The following CACNA1A variants were observed in gnomAD, a reference collection of about 807,000 sequenced individuals.
CACNA1A encodes calcium voltage-gated channel subunit alpha1 A.
Under a neutral mutation model 262.4 loss-of-function variants are expected in CACNA1A, and 57 were observed. The ratio of observed to expected loss-of-function variants is 0.22; its 90% CI spans 0.18 to 0.27. The LOEUF is 0.27. Among genes scored for constraint, CACNA1A ranks in the 10% least tolerant of loss-of-function variants. The pLI is 1.00. For synonymous variants in CACNA1A, 1,431 were observed against 1,419.3 expected (o/e 1.01, Z -0.18); for missense variants, 2,526 against 3,562.8 (o/e 0.71, Z 7.41).
chr19:13,414,024 T>C (rs10418978), intron 3 of CACNA1A, among the ~76,000 whole-genome samples: 4 of 151,666 alleles, frequency 2.6e-5, no homozygotes, highest in Non-Finnish European at 4.4e-5. Context: ...TAAAAGCAGA[T>C]AGAAGCCTGG....
intron 3 of CACNA1A, among the ~76,000 whole-genome samples, chr19:13,450,139 C>CA (rs367559329): frequency 0.061 from 3,103 of 51,192 alleles, 179 homozygotes; most frequent in Non-Finnish European, 0.093. Flanking sequence ...AGACTCTTGT[C>CA]AAAAAAAAAA....
At chr19:13,248,742 C>T (rs150358756) in intron 30 of CACNA1A, among the ~76,000 whole-genome samples, 1 of 151,842 alleles carries the variant, frequency 6.6e-6, no homozygotes, top group African/African-American at 2.4e-5. Flanking sequence ...AGTCGGGAGG[C>T]TGAGGCAGGA....
intron 6 of CACNA1A, among the ~76,000 whole-genome samples, chr19:13,357,871 G>A (rs1427876049): frequency 2.0e-5 from 3 of 152,018 alleles, no homozygotes; most frequent in African/African-American, 7.3e-5. Context: ...GCTAGGTATG[G>A]TGGTGTGTGC....
chr19:13,374,596 A>G (rs764193751), intron 3 of CACNA1A, among the ~76,000 whole-genome samples: 6 of 151,990 alleles, frequency 3.9e-5, no homozygotes, highest in Non-Finnish European at 8.8e-5. Flanking sequence ...TTCTCCTCCC[A>G]GCTTTCTGGT....
intron 24 of CACNA1A, among the ~76,000 whole-genome samples, chr19:13,270,065 T>C (rs2056978511): frequency 6.6e-6 from 1 of 152,148 alleles, no homozygotes; most frequent in South Asian, 2.1e-4. Context: ...GCCAGGCTGC[T>C]GAGCATCATT....
At chr19:13,417,643 C>T (rs1022404192) in intron 3 of CACNA1A, among the ~76,000 whole-genome samples, 32 of 152,144 alleles carry the variant, frequency 2.1e-4, no homozygotes, top group Admixed American at 5.2e-4. Context: ...AATCCCAGCA[C>T]TTTGGGAGAC....
chr19:13,215,443 C>T (rs2054973594), intron 38 of CACNA1A, among the ~76,000 whole-genome samples: 1 of 151,262 alleles, frequency 6.6e-6, no homozygotes, highest in African/African-American at 2.4e-5. Context: ...CCTCAGCCTC[C>T]CGAGTAGCTG....
At chr19:13,357,327 G>T (rs931038642) in intron 6 of CACNA1A, among the ~76,000 whole-genome samples, 9 of 152,310 alleles carry the variant, frequency 5.9e-5, no homozygotes, top group Admixed American at 4.6e-4. Flanking sequence ...GGCATAAATG[G>T]GTTGTTAAGG....
At chr19:13,233,599 T>C (rs1381524036) in intron 34 of CACNA1A, among the ~76,000 whole-genome samples, 1 of 152,132 alleles carries the variant, frequency 6.6e-6, no homozygotes, top group African/African-American at 2.4e-5. Context: ...GCAATCCTCC[T>C]GCCTCAGCCT....
intron 1 of CACNA1A, among the ~76,000 whole-genome samples, chr19:13,465,417 A>G (rs1283570386): frequency 6.6e-6 from 1 of 152,252 alleles, no homozygotes; most frequent in Non-Finnish European, 1.5e-5. Context: ...CATTTCATGT[A>G]AATGGAATTA....
chr19:13,406,340 A>G (rs1352145623), intron 3 of CACNA1A, among the ~76,000 whole-genome samples: 1 of 150,504 alleles, frequency 6.6e-6, no homozygotes, highest in African/African-American at 2.4e-5. Context: ...CTGTAATCGC[A>G]GCTACTTGGG....
At chr19:13,411,400 A>G (rs2060106879) in intron 3 of CACNA1A, among the ~76,000 whole-genome samples, 1 of 152,134 alleles carries the variant, frequency 6.6e-6, no homozygotes, top group African/African-American at 2.4e-5. Context: ...AGTTTCCCCC[A>G]TACTGTTCTT....
At chr19:13,279,296 C>T (rs1399731275) in intron 22 of CACNA1A, among the ~76,000 whole-genome samples, 2 of 152,036 alleles carry the variant, frequency 1.3e-5, no homozygotes, top group East Asian at 1.9e-4. Context: ...TTTCCTGTGG[C>T]TCAGTCTAAT....
chr19:13,207,355 G>A lies in CACNA1A; in HGVS notation c.7479C>T (p.Gly2493=), dbSNP rs1486397765. The change falls in exon 47 of 47, where the codon GGC becomes GGT. Residue 2493 remains glycine, a synonymous_variant. Coordinates refer to ENST00000360228, the MANE Select transcript of CACNA1A (RefSeq NM_001127222.2). This position sits in a 1 kb window ranked among gnomAD's most constrained non-coding sequence, Gnocchi z 5.7. ...ARPRGPGSRK[G]LHEPYSESDD... is the part of the protein sequence containing the mutation. Reference sequence around the variant, plus strand: ...CACTCTCGCTGTAGGGTTCGTGCAGGCCCTTCCTGGAGCCCGGCCCGCGGG... The same window carrying A: ...CACTCTCGCTGTAGGGTTCGTGCAGACCCTTCCTGGAGCCCGGCCCGCGGG... 1.9e-6 allele frequency: 3 copies of A among 1,558,006 alleles called. No homozygotes were observed. Among genetic ancestry groups the A allele is most frequent in the Non-Finnish European group, 2.6e-6 (3 of 1,159,222 alleles).
chr19:13,367,923 C>T (rs2059246403), intron 4 of CACNA1A, among the ~76,000 whole-genome samples: 1 of 152,102 alleles, frequency 6.6e-6, no homozygotes, highest in Admixed American at 6.6e-5. Context: ...CTGAATTACT[C>T]TGGGCTTCAA....
At chr19:13,426,992 C>T (rs1392535856) in intron 3 of CACNA1A, among the ~76,000 whole-genome samples, 1 of 152,214 alleles carries the variant, frequency 6.6e-6, no homozygotes, top group African/African-American at 2.4e-5. Context: ...GTTGCATTAG[C>T]ATGCAGGCAA....
chr19:13,212,836 ACAC>A lies in CACNA1A; in HGVS notation c.5941-99_5941-97del. 1.7e-6 allele frequency: 1 copy of A among 580,284 alleles called. No individual in the cohort carries two copies. Among genetic ancestry groups the A allele is most frequent in the Non-Finnish European group, 3.0e-6 (1 of 330,424 alleles). The allele number at this position is 580,284 out of a possible 1,614,324, so 35.9% of individuals were successfully genotyped here. A position where few individuals can be genotyped will look rare whatever the true frequency, so the allele number is the denominator to read the frequency against. On this transcript the variant is annotated intron_variant, in intron 40 of 46. Transcript: ENST00000360228. The surrounding 1 kb of genome is among the most constrained non-coding windows in gnomAD (Gnocchi z 5.6). ...TGCGACATCCCCAGTATACACACAC[ACAC>A]ACACACACACTCTCTCAGGTCTCAT... is the stretch of plus-strand genomic sequence containing the variant.
intron 31 of CACNA1A, among the ~76,000 whole-genome samples, chr19:13,242,912 G>T (rs190266948): frequency 1.3e-5 from 2 of 152,070 alleles, no homozygotes; most frequent in African/African-American, 2.4e-5. Context: ...CTACTGCAAG[G>T]GTCCTGATGT....
chr19:13,240,403 G>A, intron 31 of CACNA1A, among the ~76,000 whole-genome samples: 1 of 151,938 alleles, frequency 6.6e-6, no homozygotes, highest in Non-Finnish European at 1.5e-5. Context: ...CATAGTGACT[G>A]TGTGCAGTGA....
Sources: allele counts gnomAD v4.1 joint callset (sites outside exome capture counted in the v4.1 genomes callset), GRCh38; gene constraint gnomAD v4.1.1; non-coding constraint Gnocchi (gnomAD v3.1); transcripts MANE v1.5; gene names NCBI Gene and HGNC (gene_info 2026-07-23, HGNC 2026-07-21).